The following ELAC1 variants were observed in gnomAD, a reference collection of about 807,000 sequenced individuals.
The protein encoded by ELAC1 is zinc phosphodiesterase ELAC protein 1.
A neutral mutation model predicts 25.8 loss-of-function variants in ELAC1; 19 were observed. The ratio of observed to expected loss-of-function variants is 0.74; its 90% confidence interval spans 0.51 to 1.08. ELAC1 has a LOEUF of 1.08. ELAC1 is among the 50% of genes least tolerant of loss of function. ELAC1 has a pLI of 0.00. For missense variants in ELAC1, 403 were observed against 434.6 expected, an observed-to-expected ratio of 0.93 and a Z score of 0.65; for synonymous variants, 148 against 160.9, an observed-to-expected ratio of 0.92 and a Z score of 0.61.
chr18:50,987,698 T>C lies in ELAC1; in HGVS notation c.*613T>C, dbSNP rs955572317. ...TCCTCTAGAAGCAGGTTTGAAATTA[T>C]GGGTATGTTTTCTTGTCACAGTGAC... On this transcript the variant is annotated 3_prime_UTR_variant, in exon 4 of 4. Transcript: ENST00000269466. 17 of 152,242 alleles carry C rather than the reference T, an allele frequency of 1.1e-4. No individual in the cohort carries two copies. Among genetic ancestry groups the C allele is most frequent in the African/African-American group, 2.9e-4 (12 of 41,458 alleles). 9.4% of individuals were successfully genotyped at this position (152,242 alleles called of 1,614,324 possible). A position where few individuals can be genotyped will look rare whatever the true frequency, so the allele number is the denominator to read the frequency against.
chr18:50,973,033 T>C (rs1461115402), intron 1 of ELAC1, among the ~76,000 whole-genome samples: 1 of 152,222 alleles, frequency 6.6e-6, no homozygotes, highest in Non-Finnish European at 1.5e-5. Context: ...ATCAGGGACA[T>C]AATGTGTATC....
intron 3 of ELAC1, 40 bp downstream of exon 3, chr18:50,984,603 A>C: frequency 4.3e-6 from 6 of 1,401,268 alleles, no homozygotes; most frequent in Non-Finnish European, 5.0e-6. Flanking sequence ...CCGCCTTCTC[A>C]TCAATAGGGC....
chr18:50,976,921 A>G (rs1423899571), intron 2 of ELAC1, among the ~76,000 whole-genome samples: 1 of 152,254 alleles, frequency 6.6e-6, no homozygotes, highest in Admixed American at 6.5e-5. Flanking sequence ...AAGGGGCTAT[A>G]GGCCCCACGC....
intron 1 of ELAC1, chr18:50,968,716 G>A (rs1029647051): frequency 2.0e-5 from 3 of 151,982 alleles, no homozygotes; most frequent in Non-Finnish European, 4.4e-5. Flanking sequence ...AAGCAGCTGG[G>A]TTTTTGTTTT....
At chr18:50,983,051 G>GGGC (rs1907996182) in intron 2 of ELAC1, among the ~76,000 whole-genome samples, 1 of 151,996 alleles carries the variant, frequency 6.6e-6, no homozygotes, top group Non-Finnish European at 1.5e-5. Context: ...TTCTCAGAGG[G>GGGC]AGCAGTAGGG....
intron 2 of ELAC1, among the ~76,000 whole-genome samples, chr18:50,980,705 G>A (rs956821918): frequency 6.6e-6 from 1 of 150,400 alleles, no homozygotes; most frequent in South Asian, 2.1e-4. Context: ...GGAGGTTGTG[G>A]TGAGCCGAGA....
At chr18:50,977,793 A>G (rs528223019) in intron 2 of ELAC1, among the ~76,000 whole-genome samples, 11 of 152,348 alleles carry the variant, frequency 7.2e-5, no homozygotes, top group African/African-American at 1.2e-4. Flanking sequence ...CCCTTTAAAC[A>G]TAAGTTACAA....
At chr18:50,973,798 G>A (rs1315682207) in intron 1 of ELAC1, among the ~76,000 whole-genome samples, 1 of 151,768 alleles carries the variant, frequency 6.6e-6, no homozygotes, top group Non-Finnish European at 1.5e-5. Flanking sequence ...TTAACATCTT[G>A]CATTAATGCG....
intron 2 of ELAC1, among the ~76,000 whole-genome samples, chr18:50,976,763 C>G (rs1907805037): frequency 1.3e-5 from 2 of 152,240 alleles, no homozygotes; most frequent in Admixed American, 6.5e-5. Flanking sequence ...TAAAAGCCCA[C>G]AGTCCAAAGT....
intron 1 of ELAC1, among the ~76,000 whole-genome samples, chr18:50,970,556 A>G (rs968077901): frequency 2.0e-5 from 3 of 152,114 alleles, no homozygotes; most frequent in Non-Finnish European, 4.4e-5. Flanking sequence ...CCTCAACGCT[A>G]TGCTTAAGGT....
intron 2 of ELAC1, among the ~76,000 whole-genome samples, chr18:50,980,115 A>T (rs1449249864): frequency 1.3e-5 from 2 of 152,066 alleles, no homozygotes; most frequent in African/African-American, 4.8e-5. Context: ...AGGCAGGAAG[A>T]TCACTTGAGG....
At chr18:50,971,910 GTGTATATATATATA>G (rs1410458387) in intron 1 of ELAC1, among the ~76,000 whole-genome samples, 1 of 64,188 alleles carries the variant, frequency 1.6e-5, no homozygotes, top group Non-Finnish European at 3.5e-5. Context: ...GTGTGTGTGT[GTGTATATATATATA>G]TATATATATA....
intron 3 of ELAC1, among the ~76,000 whole-genome samples, chr18:50,986,101 C>T (rs1908103496): frequency 7.2e-6 from 1 of 139,422 alleles, no homozygotes; most frequent in South Asian, 2.3e-4. Flanking sequence ...CTCACTGCAA[C>T]TTCTGCCCCC....
chr18:50,987,899 A>G lies in ELAC1; in HGVS notation c.*814A>G, dbSNP rs1220312432. ...CACAGCAAGTTAGTTTATACTCTTG[A>G]TGTGAATATAGTTTACCAAAATTAG... On this transcript the variant is annotated 3_prime_UTR_variant, in exon 4 of 4. Coordinates refer to ENST00000269466, the MANE Select transcript of ELAC1 (RefSeq NM_018696.3). 1.3e-5 allele frequency: 2 copies of G among 152,226 alleles called. No individual in the cohort carries two copies. The highest frequency in any genetic ancestry group is 4.8e-5 in the African/African-American group (2 of 41,462). The allele number at this position is 152,226 out of a possible 1,614,324, so 9.4% of individuals were successfully genotyped here.
At chr18:50,972,615 T>A (rs904077557) in intron 1 of ELAC1, among the ~76,000 whole-genome samples, 3 of 152,166 alleles carry the variant, frequency 2.0e-5, no homozygotes, top group Admixed American at 2.0e-4. Flanking sequence ...CTGAAGTAGC[T>A]GGGACTACAG....
intron 1 of ELAC1, 54 bp from the exon 2 acceptor site, chr18:50,974,341 AAT>A: frequency 7.0e-7 from 1 of 1,431,764 alleles, no homozygotes. Flanking sequence ...ATATTACAGG[AAT>A]ATGTTTTTGG....
chr18:50,969,311 C>G (rs1176248300), intron 1 of ELAC1: 1 of 152,162 alleles, frequency 6.6e-6, no homozygotes, highest in Non-Finnish European at 1.5e-5. Context: ...TTTCTACAAC[C>G]AGGATTTTGC....
chr18:50,985,956 A>G (rs1046710847), intron 3 of ELAC1, among the ~76,000 whole-genome samples: 4 of 149,642 alleles, frequency 2.7e-5, no homozygotes, highest in Admixed American at 1.3e-4. Flanking sequence ...CCTGCTAACA[A>G]TTTTTTTATT....
chr18:50,987,731 G>A lies in ELAC1; in HGVS notation c.*646G>A, dbSNP rs1233519987. ...TTTTCTTGTCACAGTGACTGAGTAC[G>A]GTGGTGGTAGTGGTGGTACTACTAC... On this transcript the variant is annotated 3_prime_UTR_variant, in exon 4 of 4. Coordinates refer to ENST00000269466, the MANE Select transcript of ELAC1 (RefSeq NM_018696.3). The A allele has an allele frequency of 3.3e-5, 5 of 152,166 alleles. No individual in the cohort carries two copies. The highest frequency in any genetic ancestry group is 2.6e-4 in the Admixed American group (4 of 15,278). 9.4% of individuals were successfully genotyped at this position (152,166 alleles called of 1,614,324 possible).
Sources: allele counts gnomAD v4.1 joint callset (sites outside exome capture counted in the v4.1 genomes callset), GRCh38; gene constraint gnomAD v4.1.1; transcripts MANE v1.5; gene names NCBI Gene and HGNC (gene_info 2026-07-23, HGNC 2026-07-21).